The following MORC3 variants were observed in gnomAD, a reference collection of about 807,000 sequenced individuals.
MORC3 encodes MORC family CW-type zinc finger 3.
A neutral mutation model predicts 109.1 loss-of-function variants in MORC3; 31 were observed. The ratio of observed to expected loss-of-function variants is 0.28; its 90% CI spans 0.21 to 0.38. The LOEUF (loss-of-function observed/expected upper bound fraction) is 0.38. Ranked by LOEUF, MORC3 falls within the 10% of genes least tolerant of loss-of-function variation. MORC3 has a pLI of 1.00. For missense variants in MORC3, 867 were observed against 1,135.8 expected, an observed-to-expected ratio of 0.76 and a Z score of 3.40; for synonymous variants, 395 against 380.7, an observed-to-expected ratio of 1.04 and a Z score of -0.44.
At chr21:36,336,787 C>A in intron 2 of MORC3, 87 bp from the exon 3 acceptor site, 2 of 1,299,040 alleles carry the variant, frequency 1.5e-6, no homozygotes, top group East Asian at 2.6e-5. Context: ...AAAACATAGT[C>A]TTCTATTGCT....
At chr21:36,374,892 G>A (rs1288008829) in intron 16 of MORC3, among the ~76,000 whole-genome samples, 2 of 152,054 alleles carry the variant, frequency 1.3e-5, no homozygotes, top group African/African-American at 4.8e-5. Flanking sequence ...GGCTGGTCTC[G>A]AACTCCTGGG....
intron 15 of MORC3, among the ~76,000 whole-genome samples, chr21:36,370,629 ATATATATATATTTTTTTTTTTTTT>A (rs2085847010): frequency 5.7e-5 from 1 of 17,420 alleles, no homozygotes; most frequent in African/African-American, 2.2e-4. Flanking sequence ...ATATATATAT[ATATATATATATTTTTTTTTTTTTT>A]TTTTTTTTTT....
intron 9 of MORC3, among the ~76,000 whole-genome samples, chr21:36,353,788 G>A (rs1205185124): frequency 8.8e-5 from 6 of 68,088 alleles, no homozygotes; most frequent in Non-Finnish European, 1.4e-4. Flanking sequence ...AGTAAAGACA[G>A]AGTTTTGCCA....
chr21:36,342,979 A>G (rs566165564), intron 6 of MORC3, among the ~76,000 whole-genome samples: 14 of 151,006 alleles, frequency 9.3e-5, no homozygotes, highest in African/African-American at 3.1e-4. Context: ...AGACCGCACC[A>G]TTACACTCCA....
At chr21:36,337,162 T>C (rs2085383053) in intron 3 of MORC3, among the ~76,000 whole-genome samples, 156 bp downstream of exon 3, 1 of 152,182 alleles carries the variant, frequency 6.6e-6, no homozygotes, top group Non-Finnish European at 1.5e-5. Context: ...TACTGGTAGA[T>C]GATGAGTCAG....
At chr21:36,366,120 G>A (rs2085778515) in intron 14 of MORC3, among the ~76,000 whole-genome samples, 1 of 152,122 alleles carries the variant, frequency 6.6e-6, no homozygotes, top group Non-Finnish European at 1.5e-5. Context: ...GGGTATGAAT[G>A]ATACCATCGC....
rs773893905 is a variant in MORC3 at position 36,360,201 on chromosome 21, A to G, written c.1349A>G (p.Glu450Gly). The G allele has an allele frequency of 6.2e-7, 1 of 1,614,150 alleles. No homozygotes were observed. Among genetic ancestry groups the G allele is most frequent in the Non-Finnish European group, 8.5e-7 (1 of 1,180,024 alleles). Residue 450 changes from glutamate to glycine, a missense_variant, in exon 12 of 17, where the codon GAA becomes GGA. By Grantham distance (98) the Glu-to-Gly change is moderately conservative. Coordinates refer to ENST00000400485, the MANE Select transcript of MORC3 (RefSeq NM_015358.3). ...DPQFRNCEVP[E>G]EPEDEDLVHP... Reference sequence around the variant, plus strand: ...CTGAATAGAAATTGTGAGGTTCCAGAAGAACCTGAAGATGAGGATTTGGTA... The same window carrying G: ...CTGAATAGAAATTGTGAGGTTCCAGGAGAACCTGAAGATGAGGATTTGGTA...
Position 36,369,201 on chromosome 21 carries a change from G to C in MORC3, c.1833G>C (p.Glu611Asp). ...TTGAGCAAGGTGGTGTTCAGGTTGA[G>C]TTTGTGGGTGACAGTGAACCTTGTG... is the stretch of plus-strand genomic sequence containing the variant. The part of the protein sequence containing the change: ...SHVEQGGVQV[E>D]FVGDSEPCGQ... The change falls in exon 15 of 17, where the codon GAG becomes GAC. Residue 611 changes from glutamate (E) to aspartate (D), a missense_variant. Transcript: ENST00000400485. The C allele has an allele frequency of 6.2e-7, 1 of 1,614,166 alleles. No homozygotes were observed. Among genetic ancestry groups the C allele is most frequent in the South Asian group, 1.1e-5 (1 of 91,080 alleles).
chr21:36,333,581 A>G lies in MORC3; in HGVS notation c.40-65A>G. The G allele has an allele frequency of 2.2e-6, 3 of 1,354,150 alleles. No homozygotes were observed. The South Asian group carries it at 3.6e-5, about 16-fold the overall frequency. 83.9% of individuals were successfully genotyped at this position (1,354,150 alleles called of 1,614,324 possible). Reference sequence around the variant, plus strand: ...AATGTTGTTTAACACAGGGATAAAAATACTGGTTTTTATTTTCAAAAGTAA... The same window carrying G: ...AATGTTGTTTAACACAGGGATAAAAGTACTGGTTTTTATTTTCAAAAGTAA... On this transcript the variant is annotated intron_variant, in intron 1 of 16. Coordinates refer to ENST00000400485, the MANE Select transcript of MORC3 (RefSeq NM_015358.3).
chr21:36,343,425 CAT>C (rs781208978), intron 6 of MORC3, among the ~76,000 whole-genome samples: 11 of 146,868 alleles, frequency 7.5e-5, no homozygotes, highest in South Asian at 4.3e-4. Context: ...TTTGATAAGA[CAT>C]GTGATACTAA....
At chr21:36,320,529 G>T in intron 1 of MORC3, 1 of 371,728 alleles carries the variant, frequency 2.7e-6, no homozygotes, top group Non-Finnish European at 4.6e-6. Flanking sequence ...TTTGCTTCGG[G>T]GCGGGCCAGG....
At chr21:36,355,755 C>T (rs1257995534) in intron 9 of MORC3, among the ~76,000 whole-genome samples, 1 of 150,504 alleles carries the variant, frequency 6.6e-6, no homozygotes, top group Non-Finnish European at 1.5e-5. Flanking sequence ...CGAGAGCAGC[C>T]TGGGCAAAAA....
chr21:36,330,266 C>T (rs1011510390), intron 1 of MORC3, among the ~76,000 whole-genome samples: 1 of 152,010 alleles, frequency 6.6e-6, no homozygotes, highest in African/African-American at 2.4e-5. Context: ...AAACATTTTA[C>T]AGCCTCTTCT....
At chr21:36,360,410 A>G (rs2146328882) in intron 12 of MORC3, 152 bp downstream of exon 12, 1 of 728,570 alleles carries the variant, frequency 1.4e-6, no homozygotes, top group East Asian at 2.7e-5. Flanking sequence ...CTTTAAAAAC[A>G]AAAACTTATG....
At chr21:36,336,749 TA>T in intron 2 of MORC3, 124 bp from the exon 3 acceptor site, 1 of 935,824 alleles carries the variant, frequency 1.1e-6, no homozygotes, top group Non-Finnish European at 1.5e-6. Flanking sequence ...TTAAAGCTGC[TA>T]AAAATTGCAG....
rs540320918 is a variant in MORC3, at chr21:36,363,256, T to A, written c.1453-837T>A. Among the ~76,000 whole-genome samples, 319 of 152,082 alleles carry A rather than the reference T, an allele frequency of 2.1e-3. 1 individual carries two copies. Among genetic ancestry groups the A allele is most frequent in the African/African-American group, 7.1e-3 (293 of 41,458 alleles). ...CAATATGGCAAAACCCTGTCTCTAC[T>A]AAAAATATAAAAAATAATGTGGTGG... On this transcript the variant is annotated intron_variant, in intron 13 of 16. Transcript: ENST00000400485.
chr21:36,333,127 A>G (rs912259247), intron 1 of MORC3, among the ~76,000 whole-genome samples: 4 of 152,194 alleles, frequency 2.6e-5, no homozygotes, highest in Admixed American at 2.6e-4. Context: ...AAGAGTTTGT[A>G]GATGTATACT....
chr21:36,324,505 C>G (rs1601505230), intron 1 of MORC3, among the ~76,000 whole-genome samples: 1 of 150,826 alleles, frequency 6.6e-6, no homozygotes, highest in East Asian at 2.0e-4. Context: ...TCTTGATCTC[C>G]TGACCTCGTG....
In MORC3 at chr21:36,327,438, C is replaced by G. The variant is rs2085262000; in HGVS notation, c.40-6208C>G. 4.0e-5 allele frequency among the ~76,000 whole-genome samples: 6 copies of G among 151,150 alleles called. No individual in the cohort carries two copies. The South Asian group carries it at 1.2e-3, about 31-fold the overall frequency. On this transcript the variant is annotated intron_variant, in intron 1 of 16. Coordinates refer to ENST00000400485, the MANE Select transcript of MORC3 (RefSeq NM_015358.3). ...AAGTGCTGGGATTACAGGAGTGAAC[C>G]ACCGTGCTTGGCCTTTATTTCCTAT...
Sources: gnomAD v4.1 joint callset for allele counts (sites outside exome capture counted in the v4.1 genomes callset) on GRCh38, gnomAD v4.1.1 for gene constraint, MANE v1.5 for transcripts, NCBI Gene and HGNC (gene_info 2026-07-23, HGNC 2026-07-21) for gene names.